Variants in ABHD12 observed in about 807,000 individuals in gnomAD.
The protein encoded by ABHD12 is abhydrolase domain containing 12, lysophospholipase.
Under a neutral mutation model 58.3 loss-of-function variants are expected in ABHD12, and 43 were observed. The ratio of observed to expected loss-of-function variants is 0.74; its 90% CI spans 0.58 to 0.95. The LOEUF (loss-of-function observed/expected upper bound fraction) is 0.95. ABHD12 is among the 40% of genes least tolerant of loss of function. ABHD12 has a pLI of 0.00. For synonymous variants in ABHD12, 219 were observed against 211.2 expected, an observed-to-expected ratio of 1.04 and a Z score of -0.32; for missense variants, 539 against 537.2, an observed-to-expected ratio of 1.00 and a Z score of -0.03.
intron 1 of ABHD12, among the ~76,000 whole-genome samples, chr20:25,375,741 C>T (rs1319718432): frequency 2.6e-5 from 4 of 152,078 alleles, no homozygotes; most frequent in East Asian, 1.9e-4. Context: ...TGTATGTTGT[C>T]GTTTTTGTTG....
intron 1 of ABHD12, among the ~76,000 whole-genome samples, chr20:25,339,935 C>T (rs1218118974): frequency 1.3e-5 from 2 of 152,228 alleles, no homozygotes; most frequent in African/African-American, 4.8e-5. Flanking sequence ...TTTTCCAGGC[C>T]CGTCAAGCCA....
intron 4 of ABHD12, 137 bp downstream of exon 4, chr20:25,320,062 A>C: frequency 1.6e-6 from 2 of 1,234,296 alleles, no homozygotes; most frequent in Non-Finnish European, 2.3e-6. Flanking sequence ...GCTCTCCCTC[A>C]TTGCAGTGGG....
chr20:25,380,915 C>T (rs978030596), intron 1 of ABHD12, among the ~76,000 whole-genome samples: 1 of 152,230 alleles, frequency 6.6e-6, no homozygotes, highest in Admixed American at 6.5e-5. Flanking sequence ...CCCCAAAGCA[C>T]TTGCTCTTTC....
chr20:25,339,709 G>A, intron 1 of ABHD12: 2 of 1,369,556 alleles, frequency 1.5e-6, no homozygotes, highest in Non-Finnish European at 2.0e-6. Context: ...TATCAGGAAA[G>A]AGCGGCCTCC....
intron 2 of ABHD12, among the ~76,000 whole-genome samples, chr20:25,327,499 A>G (rs2089196746): frequency 6.6e-6 from 1 of 152,072 alleles, no homozygotes; most frequent in Non-Finnish European, 1.5e-5. Flanking sequence ...AGGGATTGAA[A>G]CTACCATTGC....
At chr20:25,390,257 C>T in intron 1 of ABHD12, 1 of 366,908 alleles carries the variant, frequency 2.7e-6, no homozygotes, top group Non-Finnish European at 4.8e-6. Context: ...CCAGGAGTGC[C>T]TGGCGAGAGG....
intron 1 of ABHD12, among the ~76,000 whole-genome samples, chr20:25,379,718 G>A (rs192204155): frequency 8.5e-4 from 130 of 152,248 alleles, no homozygotes; most frequent in African/African-American, 3.0e-3. Context: ...ATAGCATAGT[G>A]ATGCTTTTAT....
In ABHD12 at chr20:25,302,358, G is replaced by A. The variant is rs755106705; in HGVS notation, c.1030-12C>T. ...GCGATGCTATAGAGCTGGGGAGAGA[G>A]GGGTCAGAGCCTGAGGCAGTGGCCT... On this transcript the variant is annotated splice_polypyrimidine_tract_variant and intron_variant, in intron 11 of 12. Coordinates refer to ENST00000339157, the MANE Select transcript of ABHD12 (RefSeq NM_001042472.3). 1.4e-5 allele frequency: 22 copies of A among 1,612,670 alleles called. 1 individual carries two copies. In the South Asian group the frequency reaches 2.3e-4, roughly 17 times the overall value.
chr20:25,371,462 ATC>A (rs2089899358), intron 1 of ABHD12, among the ~76,000 whole-genome samples: 1 of 152,016 alleles, frequency 6.6e-6, no homozygotes. Flanking sequence ...AACCCTATTC[ATC>A]TCTCTTCAGA....
At chr20:25,335,199 T>A (rs539489108) in intron 2 of ABHD12, among the ~76,000 whole-genome samples, 2 of 152,208 alleles carry the variant, frequency 1.3e-5, no homozygotes, top group African/African-American at 4.8e-5. Context: ...AAAAAACACA[T>A]GAAAAAATGC....
chr20:25,376,565 C>T (rs1204803213), intron 1 of ABHD12, among the ~76,000 whole-genome samples: 1 of 152,192 alleles, frequency 6.6e-6, no homozygotes, highest in Admixed American at 6.5e-5. Flanking sequence ...CACTGTGGTA[C>T]GGCATGTTTT....
At chr20:25,347,829 T>C (rs2089540282) in intron 1 of ABHD12, among the ~76,000 whole-genome samples, 1 of 151,462 alleles carries the variant, frequency 6.6e-6, no homozygotes, top group Non-Finnish European at 1.5e-5. Flanking sequence ...ATATTATACT[T>C]GAAAGGCATA....
chr20:25,296,576 A>G (rs1423842168), downstream of ABHD12: 1 of 1,561,186 alleles, frequency 6.4e-7, no homozygotes, highest in East Asian at 2.3e-5. Context: ...CTGACTTTGC[A>G]CCTCCTTTTT....
intron 5 of ABHD12, among the ~76,000 whole-genome samples, 159 bp downstream of exon 5, chr20:25,316,889 T>G (rs894394619): frequency 2.0e-5 from 3 of 152,204 alleles, no homozygotes; most frequent in Non-Finnish European, 4.4e-5. Flanking sequence ...ACTGTACCAC[T>G]GCACTCCAGC....
chr20:25,340,251 G>A (rs2482925), intron 1 of ABHD12, among the ~76,000 whole-genome samples: 3,772 of 152,236 alleles, frequency 0.025, 143 homozygotes, highest in African/African-American at 0.082. Flanking sequence ...ATTACATGTT[G>A]CTATAAACAA....
chr20:25,356,093 A>G (rs570233439), intron 1 of ABHD12, among the ~76,000 whole-genome samples: 2 of 152,314 alleles, frequency 1.3e-5, no homozygotes, highest in Admixed American at 1.3e-4. Context: ...CTATTGATGC[A>G]GTTTCTGCGC....
chr20:25,350,959 T>TCACACACACACACA (rs61061019), intron 1 of ABHD12, among the ~76,000 whole-genome samples: 5 of 142,316 alleles, frequency 3.5e-5, no homozygotes, highest in East Asian at 2.4e-4. Context: ...TACGAATCCT[T>TCACACACACACACA]CACACACACA....
chr20:25,328,407 T>C (rs2089212422), intron 2 of ABHD12, among the ~76,000 whole-genome samples: 1 of 152,156 alleles, frequency 6.6e-6, no homozygotes, highest in African/African-American at 2.4e-5. Flanking sequence ...CCAGTGCCCA[T>C]CCCACATCTA....
chr20:25,373,845 T>C (rs1046232851), intron 1 of ABHD12, among the ~76,000 whole-genome samples: 1 of 152,168 alleles, frequency 6.6e-6, no homozygotes, highest in African/African-American at 2.4e-5. Context: ...AAATATTTTT[T>C]CTCTCCTTTC....
Sources: allele counts gnomAD v4.1 joint callset (sites outside exome capture counted in the v4.1 genomes callset), GRCh38; gene constraint gnomAD v4.1.1; transcripts MANE v1.5; gene names NCBI Gene and HGNC (gene_info 2026-07-23, HGNC 2026-07-21).